TTYH2: variants seen among roughly 807,000 people sequenced by gnomAD.
The protein encoded by TTYH2 is tweety family member 2.
A neutral mutation model predicts 68.3 loss-of-function variants in TTYH2; 49 were observed. That is an observed-to-expected ratio of 0.72 (90% CI 0.57 to 0.91). TTYH2 has a LOEUF of 0.91. Among genes scored for constraint, TTYH2 ranks in the 40% least tolerant of loss-of-function variants. The pLI is 0.00. For synonymous variants in TTYH2, 272 were observed against 300.8 expected (o/e 0.90, Z 0.99); for missense variants, 631 against 700.4 (o/e 0.90, Z 1.12).
Position 74,250,340 on chromosome 17 carries a change from T to G in TTYH2, c.1099T>G (p.Cys367Gly), listed in dbSNP as rs768029128. 3 of 1,613,196 alleles carry G rather than the reference T, an allele frequency of 1.9e-6. No homozygotes were observed. In the African/African-American group the frequency reaches 4.0e-5, roughly 22 times the overall value. The change falls in exon 10 of 14, where the codon TGC becomes GGC. Residue 367 changes from cysteine (C) to glycine (G), a missense_variant. Cys to Gly is a radical substitution (Grantham distance 159). Transcript: ENST00000269346. ...TCACCAGCTGACCGCCATGGTGGACTGCCGAGGGCTGCACAAGGTGCATGG... is the reference window on the plus strand; with the variant it reads ...TCACCAGCTGACCGCCATGGTGGACGGCCGAGGGCTGCACAAGGTGCATGG... ...SLHQLTAMVD[C>G]RGLHKDYLDA...
chr17:74,252,859 T>A (rs2050649253), intron 11 of TTYH2, among the ~76,000 whole-genome samples: 1 of 152,078 alleles, frequency 6.6e-6, no homozygotes, highest in Non-Finnish European at 1.5e-5. Context: ...CACATGCGCA[T>A]GGTCAGCGTG....
Position 74,261,093 on chromosome 17 carries a change from G to C in TTYH2, c.*884G>C, listed in dbSNP as rs773467991. On this transcript the variant is annotated 3_prime_UTR_variant, in exon 14 of 14. Coordinates refer to ENST00000269346, the MANE Select transcript of TTYH2 (RefSeq NM_032646.6). Reference sequence around the variant, plus strand: ...CCTAGCACATCCAGTTTTTACAACAGATTTGCAGCTCATTCCTTACCCTGG... The same window carrying C: ...CCTAGCACATCCAGTTTTTACAACACATTTGCAGCTCATTCCTTACCCTGG... 2.0e-5 allele frequency: 3 copies of C among 152,658 alleles called. No homozygotes were observed. Among genetic ancestry groups the C allele is most frequent in the Non-Finnish European group, 4.4e-5 (3 of 68,048 alleles). The allele number at this position is 152,658 out of a possible 1,614,324, so 9.5% of individuals were successfully genotyped here.
At chr17:74,216,073 A>G (rs974326928) in intron 1 of TTYH2, among the ~76,000 whole-genome samples, 8 of 152,208 alleles carry the variant, frequency 5.3e-5, no homozygotes, top group Admixed American at 2.6e-4. Context: ...CAAGAATTAG[A>G]TGAGATATTC....
In TTYH2 at chr17:74,244,013, T is replaced by G; in HGVS notation, c.768T>G (p.Ser256Arg). ...LCCGALSLLLSWASLAADGSA... is the reference protein window; with the variant it reads ...LCCGALSLLLRWASLAADGSA... ...GTGGGGCACTGAGCCTGCTCCTCAG[T>G]TGGGCATCCCTGGCCGCTGATGGCT... The change falls in exon 6 of 14, where the codon AGT becomes AGG. Residue 256 changes from serine (S) to arginine (R), a missense_variant. Ser to Arg is a moderately radical substitution (Grantham distance 110). Transcript: ENST00000269346. The G allele has an allele frequency of 1.9e-6, 3 of 1,612,384 alleles. No individual in the cohort carries two copies. The highest frequency in any genetic ancestry group is 1.1e-5 in the South Asian group (1 of 91,062).
chr17:74,223,804 G>A (rs2050302850), intron 2 of TTYH2, among the ~76,000 whole-genome samples: 2 of 152,142 alleles, frequency 1.3e-5, no homozygotes, highest in African/African-American at 4.8e-5. Flanking sequence ...CTGGGGGTGA[G>A]GATGCCTGGG....
At chr17:74,229,104 G>C (rs924386607) in intron 2 of TTYH2, among the ~76,000 whole-genome samples, 1 of 152,198 alleles carries the variant, frequency 6.6e-6, no homozygotes, top group Non-Finnish European at 1.5e-5. Flanking sequence ...TCTATAAGTT[G>C]GGAGTTCACA....
At chr17:74,220,773 TG>T (rs2050268061) in intron 1 of TTYH2, among the ~76,000 whole-genome samples, 1 of 150,158 alleles carries the variant, frequency 6.7e-6, no homozygotes, top group African/African-American at 2.4e-5. Context: ...TACTGGGCCC[TG>T]GCTTCCCAGC....
Position 74,243,389 on chromosome 17 carries a change from C to A in TTYH2, c.651C>A (p.Leu217=), listed in dbSNP as rs1256808054. 6.8e-6 allele frequency: 11 copies of A among 1,614,106 alleles called. No individual in the cohort carries two copies. The change falls in exon 5 of 14, where the codon CTC becomes CTA. Residue 217 remains leucine (L), a synonymous_variant. Coordinates refer to ENST00000269346, the MANE Select transcript of TTYH2 (RefSeq NM_032646.6). Reference sequence around the variant, plus strand: ...CTCTACCCAGGTGGCTCTCCTACCTCCTGCTCTTTATCCTGGACCTGGTCA... The same window carrying A: ...CTCTACCCAGGTGGCTCTCCTACCTACTGCTCTTTATCCTGGACCTGGTCA... ...YVEYYRWLSY[L]LLFILDLVIC...
At chr17:74,248,989 C>G in intron 6 of TTYH2, 22 bp from the exon 7 acceptor site, 2 of 1,614,008 alleles carry the variant, frequency 1.2e-6, no homozygotes, top group Non-Finnish European at 1.7e-6. Context: ...TCCTCCACCC[C>G]GTCCCTCTCT....
chr17:74,219,797 T>C (rs757593022), intron 1 of TTYH2, among the ~76,000 whole-genome samples: 12 of 152,204 alleles, frequency 7.9e-5, no homozygotes, highest in Non-Finnish European at 1.6e-4. Context: ...ACACATGTTC[T>C]ATATCTTTTC....
At chr17:74,216,131 C>T (rs928746798) in intron 1 of TTYH2, among the ~76,000 whole-genome samples, 3 of 152,190 alleles carry the variant, frequency 2.0e-5, no homozygotes, top group Non-Finnish European at 4.4e-5. Context: ...TAACAGGAGC[C>T]AGTGACACAG....
At chr17:74,235,224 C>T (rs2050430840) in intron 3 of TTYH2, among the ~76,000 whole-genome samples, 1 of 152,210 alleles carries the variant, frequency 6.6e-6, no homozygotes, top group Non-Finnish European at 1.5e-5. Context: ...CCCCATAACA[C>T]AGAGAACACC....
chr17:74,237,820 A>G (rs1284508546), intron 4 of TTYH2, among the ~76,000 whole-genome samples: 1 of 152,036 alleles, frequency 6.6e-6, no homozygotes, highest in Non-Finnish European at 1.5e-5. Flanking sequence ...TAGTAGAGAC[A>G]GAGTTTCACC....
chr17:74,253,624 C>T, intron 12 of TTYH2, 131 bp from the exon 13 acceptor site: 1 of 854,800 alleles, frequency 1.2e-6, no homozygotes, highest in Non-Finnish European at 1.9e-6. Context: ...ACTGCACCCC[C>T]TCCACTCTAT....
At chr17:74,221,178 A>G (rs1238175913) in intron 1 of TTYH2, among the ~76,000 whole-genome samples, 1 of 152,050 alleles carries the variant, frequency 6.6e-6, no homozygotes, top group African/African-American at 2.4e-5. Context: ...TGCCCCCATC[A>G]CTTCAGCTGA....
In TTYH2 at chr17:74,260,223, G is replaced by A. The variant is rs989941386; in HGVS notation, c.*14G>A. ...TTTCCAGCCTAACAGACTTTCGGGG[G>A]TTCCTGCCTCCTTTTTCCGTTCTGG... On this transcript the variant is annotated 3_prime_UTR_variant, in exon 14 of 14. Coordinates refer to ENST00000269346, the MANE Select transcript of TTYH2 (RefSeq NM_032646.6). The A allele has an allele frequency of 5.0e-6, 8 of 1,613,094 alleles. No homozygotes were observed. The highest frequency in any genetic ancestry group is 1.3e-5 in the African/African-American group (1 of 74,908).
In TTYH2 at chr17:74,222,715, G is replaced by A. The variant is rs879942732; in HGVS notation, c.302+58G>A. 2 of 1,524,064 alleles carry A rather than the reference G, an allele frequency of 1.3e-6. No individual in the cohort carries two copies. Among genetic ancestry groups the A allele is most frequent in the East Asian group, 4.7e-5 (2 of 42,408 alleles). The allele number at this position is 1,524,064 out of a possible 1,614,324, so 94.4% of individuals were successfully genotyped here. ...GTGACTCAGTCTGCAAGGGGCCAGGGACTGTTTGACCATGTTCTGACGGAG... is the reference window on the plus strand; with the variant it reads ...GTGACTCAGTCTGCAAGGGGCCAGGAACTGTTTGACCATGTTCTGACGGAG... On this transcript the variant is annotated intron_variant, in intron 2 of 13. Transcript: ENST00000269346. The surrounding 1 kb of genome is among the most constrained non-coding windows in gnomAD (Gnocchi z 5.2).
Position 74,215,477 on chromosome 17 carries a change from G to GC in TTYH2, c.129+1765dup. ...CCAGATGAACCTACCTCCAGCCTCT[G>GC]CCCCTCCTCCCAGGATTCTGGCCCC... On this transcript the variant is annotated intron_variant, in intron 1 of 13. Transcript: ENST00000269346. This position sits in a 1 kb window ranked among gnomAD's most constrained non-coding sequence, Gnocchi z 4.3. 1 of 685,590 alleles carries GC rather than the reference G, an allele frequency of 1.5e-6. No homozygotes were observed. 42.5% of individuals were successfully genotyped at this position (685,590 alleles called of 1,614,324 possible). A position where few individuals can be genotyped will look rare whatever the true frequency, so the allele number is the denominator to read the frequency against.
chr17:74,252,931 C>T, intron 11 of TTYH2, 150 bp from the exon 12 acceptor site: 1 of 739,608 alleles, frequency 1.4e-6, no homozygotes, highest in Non-Finnish European at 2.2e-6. Flanking sequence ...CTGCAGGAGG[C>T]AGGCTGGGGA....
Sources: gnomAD v4.1 joint callset for allele counts (sites outside exome capture counted in the v4.1 genomes callset) on GRCh38, gnomAD v4.1.1 for gene constraint, Gnocchi (gnomAD v3.1) non-coding constraint, MANE v1.5 for transcripts, NCBI Gene and HGNC (gene_info 2026-07-23, HGNC 2026-07-21) for gene names.